Variants in LYPD6B observed in about 807,000 individuals in gnomAD.
LYPD6B encodes the protein ly6/PLAUR domain-containing protein 6B.
A neutral mutation model predicts 22.8 loss-of-function variants in LYPD6B; 17 were observed. The observed-to-expected ratio is 0.75, with a 90% CI of 0.51 to 1.12. The LOEUF (loss-of-function observed/expected upper bound fraction) is 1.12, where lower values mean the gene tolerates loss of function less well. Ranked by LOEUF, LYPD6B falls within the 50% of genes most tolerant of loss-of-function variation. The pLI, the probability that LYPD6B is intolerant of heterozygous loss-of-function variation, is 0.00. For missense variants in LYPD6B, 221 were observed against 258.3 expected (o/e 0.86, Z 0.99); for synonymous variants, 106 against 91.6 (o/e 1.16, Z -0.90).
chr2:149,062,958 A>C (rs1305958191), intron 1 of LYPD6B, among the ~76,000 whole-genome samples: 5 of 149,848 alleles, frequency 3.3e-5, no homozygotes, highest in Non-Finnish European at 5.9e-5. Context: ...CCCTGTAAGC[A>C]AGGCTCGGTA....
intron 3 of LYPD6B, among the ~76,000 whole-genome samples, chr2:149,187,110 CT>C (rs1279198192): frequency 6.6e-6 from 1 of 152,146 alleles, no homozygotes; most frequent in Admixed American, 6.5e-5. Context: ...GTAAACATAA[CT>C]TTTGTCTGCA....
chr2:149,213,041 C>T lies in LYPD6B; in HGVS notation c.378C>T (p.Ser126=). The T allele has an allele frequency of 6.2e-7, 1 of 1,613,962 alleles. No homozygotes were observed. Among genetic ancestry groups the T allele is most frequent in the South Asian group, 1.1e-5 (1 of 91,082 alleles). ...TVHHFTSHGR[S]TSITKKCASR... Reference sequence around the variant, plus strand: ...ATCACTTCACCAGCCACGGAAGAAGCACATCCATCACCAAAAAGTGTGCCT... The same window carrying T: ...ATCACTTCACCAGCCACGGAAGAAGTACATCCATCACCAAAAAGTGTGCCT... Residue 126 remains serine, a synonymous_variant, in exon 6 of 7, where the codon AGC becomes AGT. Transcript: ENST00000409642.
chr2:149,151,296 C>T (rs1330622843), intron 2 of LYPD6B, among the ~76,000 whole-genome samples: 1 of 152,076 alleles, frequency 6.6e-6, no homozygotes, highest in Non-Finnish European at 1.5e-5. Flanking sequence ...TGAAGGAGGA[C>T]ACAGGGAGAA....
At chr2:149,182,782 C>A (rs909979575) in intron 3 of LYPD6B, among the ~76,000 whole-genome samples, 2 of 152,090 alleles carry the variant, frequency 1.3e-5, no homozygotes, top group African/African-American at 4.8e-5. Context: ...GCAAAATTGC[C>A]CTTCAATAGG....
chr2:149,082,679 G>A (rs546733706), intron 1 of LYPD6B, among the ~76,000 whole-genome samples: 1 of 152,160 alleles, frequency 6.6e-6, no homozygotes, highest in African/African-American at 2.4e-5. Context: ...TAAATGTGAG[G>A]CACTTAGAAT....
intron 1 of LYPD6B, among the ~76,000 whole-genome samples, chr2:149,078,984 G>A (rs1684999125): frequency 6.6e-6 from 1 of 151,540 alleles, no homozygotes; most frequent in African/African-American, 2.4e-5. Context: ...TCCAGCCTGG[G>A]GCAACAGAGT....
At chr2:149,167,042 T>C (rs1690470410) in intron 3 of LYPD6B, among the ~76,000 whole-genome samples, 2 of 151,872 alleles carry the variant, frequency 1.3e-5, no homozygotes, top group Non-Finnish European at 1.5e-5. Flanking sequence ...ATAATCCTCT[T>C]CTGCATTAAG....
At chr2:149,125,483 C>T (rs1383341150) in intron 1 of LYPD6B, among the ~76,000 whole-genome samples, 1 of 152,120 alleles carries the variant, frequency 6.6e-6, no homozygotes, top group Non-Finnish European at 1.5e-5. Flanking sequence ...GTCAACCTCT[C>T]CCCCATCACA....
intron 3 of LYPD6B, among the ~76,000 whole-genome samples, chr2:149,167,090 C>G (rs1160832946): frequency 1.3e-5 from 2 of 150,870 alleles, no homozygotes; most frequent in South Asian, 4.2e-4. Flanking sequence ...TCACTTTCCT[C>G]GTTTCTTATT....
chr2:149,081,480 A>G (rs1452626537), intron 1 of LYPD6B, among the ~76,000 whole-genome samples: 1 of 152,212 alleles, frequency 6.6e-6, no homozygotes, highest in Non-Finnish European at 1.5e-5. Flanking sequence ...TATTACTGAT[A>G]TTTAATGTAA....
At chr2:149,070,446 T>G (rs1369555922) in intron 1 of LYPD6B, among the ~76,000 whole-genome samples, 1 of 152,176 alleles carries the variant, frequency 6.6e-6, no homozygotes, top group African/African-American at 2.4e-5. Context: ...AATTTTAACC[T>G]CTTTATTTTA....
chr2:149,089,497 A>G (rs899885023), intron 1 of LYPD6B, among the ~76,000 whole-genome samples: 4 of 152,152 alleles, frequency 2.6e-5, no homozygotes, highest in African/African-American at 9.7e-5. Context: ...ATTCCTTTTT[A>G]TGCTTAATAT....
chr2:149,098,767 T>TTC (rs1210387839), intron 1 of LYPD6B, among the ~76,000 whole-genome samples: 1 of 146,616 alleles, frequency 6.8e-6, no homozygotes. Flanking sequence ...TGCTTTTTCT[T>TTC]TTTTTTTTTT....
chr2:149,104,998 A>G (rs1686405093), intron 1 of LYPD6B, among the ~76,000 whole-genome samples: 1 of 152,208 alleles, frequency 6.6e-6, no homozygotes. Context: ...TAAAGATCAA[A>G]TTGGGATAAT....
chr2:149,083,578 T>G (rs1307139469), intron 1 of LYPD6B, among the ~76,000 whole-genome samples: 6 of 152,206 alleles, frequency 3.9e-5, no homozygotes, highest in African/African-American at 1.4e-4. Flanking sequence ...CTTGATGGTT[T>G]CTTTGCATGT....
chr2:149,125,024 G>A (rs940493395), intron 1 of LYPD6B, among the ~76,000 whole-genome samples: 3 of 152,202 alleles, frequency 2.0e-5, no homozygotes, highest in Non-Finnish European at 4.4e-5. Flanking sequence ...TTTCTAAGAA[G>A]CAAGTTGGTG....
intron 1 of LYPD6B, among the ~76,000 whole-genome samples, chr2:149,057,254 C>G (rs1683846833): frequency 6.6e-6 from 1 of 151,764 alleles, no homozygotes; most frequent in African/African-American, 2.4e-5. Flanking sequence ...TTTTATTATT[C>G]TATTGGCAAA....
chr2:149,062,860 C>CT (rs5835285), intron 1 of LYPD6B, among the ~76,000 whole-genome samples: 22,984 of 93,542 alleles, frequency 0.25, 2,726 homozygotes, highest in East Asian at 0.37. Context: ...GATACATGTT[C>CT]TTTTTTTTTT....
chr2:149,055,430 G>A (rs1481308695), intron 1 of LYPD6B, among the ~76,000 whole-genome samples: 1 of 152,130 alleles, frequency 6.6e-6, no homozygotes, highest in African/African-American at 2.4e-5. Context: ...AGGCCAGCTG[G>A]AATTGTGCTA....
Sources: allele counts gnomAD v4.1 joint callset (sites outside exome capture counted in the v4.1 genomes callset), GRCh38; gene constraint gnomAD v4.1.1; transcripts MANE v1.5; gene names NCBI Gene and HGNC (gene_info 2026-07-23, HGNC 2026-07-21).